Variants in C4orf50 observed in about 807,000 individuals in gnomAD.
C4orf50 encodes chromosome 4 open reading frame 50.
C4orf50 carries 80 observed loss-of-function variants against 77.2 expected under a neutral mutation model. That is an observed-to-expected ratio of 1.04 (90% CI 0.87 to 1.25). C4orf50 has a LOEUF of 1.25. C4orf50 is among the 50% of genes most tolerant of loss of function. The probability of loss-of-function intolerance (pLI) is 0.00; values close to 1 mark genes in which losing one functional copy is unlikely to be tolerated. For synonymous variants in C4orf50, 532 were observed against 465.3 expected (o/e 1.14, Z -1.84); for missense variants, 1,257 against 1,152.9 (o/e 1.09, Z -1.31).
intron 7 of C4orf50, chr4:5,904,267 G>C (rs1716453747): frequency 6.6e-6 from 1 of 152,290 alleles, no homozygotes. Context: ...CAGGGAAATG[G>C]TGTCAGAGGA....
exon 31 of C4orf50, chr4:5,973,803 C>T: frequency 6.2e-7 from 1 of 1,613,444 alleles, no homozygotes; most frequent in Non-Finnish European, 8.5e-7. Context: ...TCAGGCGGTT[C>T]CTCTCCCGGC....
At chr4:5,971,790 T>A (rs556525527) in intron 31 of C4orf50, among the ~76,000 whole-genome samples, 1 of 152,282 alleles carries the variant, frequency 6.6e-6, no homozygotes, top group East Asian at 1.9e-4. Flanking sequence ...TAGTCCAGTG[T>A]ATACATCATT....
At chr4:5,952,151 A>G (rs1204417587), downstream of C4orf50, among the ~76,000 whole-genome samples, 1 of 152,172 alleles carries the variant, frequency 6.6e-6, no homozygotes, top group Non-Finnish European at 1.5e-5. The surrounding 1 kb of genome is among the most constrained non-coding windows in gnomAD (Gnocchi z 4.4). Flanking sequence ...TGGAGCTGCC[A>G]ACGAACCAGG....
Position 5,975,180 on chromosome 4 carries a change from T to C in C4orf50, c.3921+719A>G, listed in dbSNP as rs564913326. Among the ~76,000 whole-genome samples, 643 of 91,850 alleles carry C rather than the reference T, an allele frequency of 7.0e-3. 2 individuals carry two copies. The highest frequency in any genetic ancestry group is 0.029 in the Middle Eastern group (4 of 136). 60.3% of individuals were successfully genotyped at this position (91,850 alleles called of 152,430 possible). ...AAAAAAAAAAAAAAAAAAAAAAAAC[T>C]ACATCACAGTGTTTGCACACAATTA... On this transcript the variant is annotated intron_variant, in intron 30 of 33. Transcript: ENST00000531445.
intron 7 of C4orf50, among the ~76,000 whole-genome samples, chr4:5,914,726 T>C (rs1374201443): frequency 6.6e-6 from 1 of 152,246 alleles, no homozygotes; most frequent in Admixed American, 6.5e-5. Context: ...TATAATGTCC[T>C]ATTCTATAGC....
At chr4:5,980,102 T>G in intron 29 of C4orf50, 72 bp downstream of exon 7, 1 of 1,350,170 alleles carries the variant, frequency 7.4e-7, no homozygotes, top group Non-Finnish European at 1.0e-6. Context: ...AGCAAATCTT[T>G]GTTCACTCCC....
Position 6,011,274 on chromosome 4 carries a change from C to A in C4orf50, c.426+556G>T, listed in dbSNP as rs372822545. Among the ~76,000 whole-genome samples the A allele has an allele frequency of 1.3e-5, 2 of 152,130 alleles. No individual in the cohort carries two copies. Among genetic ancestry groups the A allele is most frequent in the Admixed American group, 1.3e-4 (2 of 15,276 alleles). On this transcript the variant is annotated intron_variant, in intron 24 of 33. Coordinates refer to ENST00000531445, the Ensembl canonical transcript of C4orf50. This position sits in a 1 kb window ranked among gnomAD's most constrained non-coding sequence, Gnocchi z 4.2. ...GCCACCTGGCCCCTCTGGAACTTTC[C>A]GACTCACCCACTCCGTCCCCAGCAC... is the stretch of plus-strand genomic sequence containing the variant.
chr4:5,996,142 C>G (rs1349861538), intron 25 of C4orf50, among the ~76,000 whole-genome samples: 1 of 152,230 alleles, frequency 6.6e-6, no homozygotes, highest in African/African-American at 2.4e-5. Flanking sequence ...CGCCAGCTTC[C>G]CCTCACAGCA....
chr4:5,949,279 A>G (rs985281457), intron 7 of C4orf50, among the ~76,000 whole-genome samples: 1 of 152,266 alleles, frequency 6.6e-6, no homozygotes, highest in African/African-American at 2.4e-5. Context: ...AAGACTTTAA[A>G]GACACACCAC....
chr4:5,945,663 G>A (rs1334278883), intron 7 of C4orf50, among the ~76,000 whole-genome samples: 1 of 152,162 alleles, frequency 6.6e-6, no homozygotes, highest in Non-Finnish European at 1.5e-5. Flanking sequence ...GATCAGACTT[G>A]CCCCGGCCCC....
rs55858229 is a variant in C4orf50 at position 5,995,474 on chromosome 4, A to AACACACACACACACAC, written c.964-1014_964-999dup. Among the ~76,000 whole-genome samples the AACACACACACACACAC allele has an allele frequency of 1.6e-3, 211 of 134,050 alleles. 1 individual carries two copies. Among genetic ancestry groups the AACACACACACACACAC allele is most frequent in the East Asian group, 5.8e-3 (24 of 4,118 alleles). 87.9% of individuals were successfully genotyped at this position (134,050 alleles called of 152,430 possible). ...CACAGGGGAGAGGCTTGGGACTGGA[A>AACACACACACACACAC]ACACACACACACACACACACACACA... On this transcript the variant is annotated intron_variant, in intron 25 of 33. Transcript: ENST00000531445.
intron 7 of C4orf50, among the ~76,000 whole-genome samples, chr4:5,918,108 G>A (rs1717110709): frequency 6.6e-6 from 1 of 152,184 alleles, no homozygotes; most frequent in South Asian, 2.1e-4. Context: ...GAAGCCCTCA[G>A]AAACAGTAGG....
chr4:5,930,028 G>A (rs1717696365), intron 7 of C4orf50, among the ~76,000 whole-genome samples: 1 of 152,180 alleles, frequency 6.6e-6, no homozygotes, highest in African/African-American at 2.4e-5. Flanking sequence ...GTGTCTAACA[G>A]GACGCAGGTG....
At chr4:5,940,311 T>C (rs1247079302) in intron 7 of C4orf50, among the ~76,000 whole-genome samples, 1 of 152,218 alleles carries the variant, frequency 6.6e-6, no homozygotes, top group Non-Finnish European at 1.5e-5. Flanking sequence ...GAAATCTTCC[T>C]TCTTATTTGT....
At chr4:5,999,892 A>G (rs1721754742) in intron 25 of C4orf50, among the ~76,000 whole-genome samples, 1 of 152,190 alleles carries the variant, frequency 6.6e-6, no homozygotes, top group Non-Finnish European at 1.5e-5. Context: ...GCTTCCAGAC[A>G]CAGGCAAGGC....
At position 6,017,751 on chromosome 4, in the gene C4orf50, C is replaced by T. The variant is rs985368222; in HGVS notation, c.287+394G>A. 6.6e-6 allele frequency among the ~76,000 whole-genome samples: 1 copy of T among 152,196 alleles called. No individual in the cohort carries two copies. Among genetic ancestry groups the T allele is most frequent in the African/African-American group, 2.4e-5 (1 of 41,462 alleles). ...AAAAAAATCACCCCAAACCGACCAA[C>T]TGGATTTGTCTGCCTCTGTCCTTGG... On this transcript the variant is annotated intron_variant, in intron 23 of 33. Coordinates refer to ENST00000531445, the Ensembl canonical transcript of C4orf50. This position sits in a 1 kb window ranked among gnomAD's most constrained non-coding sequence, Gnocchi z 4.7.
chr4:5,955,415 C>T (rs1250002780), downstream of C4orf50, among the ~76,000 whole-genome samples: 1 of 152,126 alleles, frequency 6.6e-6, no homozygotes, highest in Non-Finnish European at 1.5e-5. The surrounding 1 kb of genome is among the most constrained non-coding windows in gnomAD (Gnocchi z 5.1). Flanking sequence ...GGGGTGGTCA[C>T]ACACCTGGGC....
chr4:6,003,965 T>TA (rs1722013578), intron 25 of C4orf50, among the ~76,000 whole-genome samples: 1 of 141,408 alleles, frequency 7.1e-6, no homozygotes, highest in Non-Finnish European at 1.5e-5. Context: ...ATGGTGATGA[T>TA]GTGATGGCGA....
intron 32 of C4orf50, among the ~76,000 whole-genome samples, chr4:5,965,390 C>T (rs553462818): frequency 7.9e-5 from 12 of 152,372 alleles, no homozygotes; most frequent in African/African-American, 2.6e-4. Context: ...GCCTGCCTCA[C>T]CTTCCCCTAC....
Sources: gnomAD v4.1 joint callset for allele counts (sites outside exome capture counted in the v4.1 genomes callset) on GRCh38, gnomAD v4.1.1 for gene constraint, Gnocchi (gnomAD v3.1) non-coding constraint, MANE v1.5 for transcripts, NCBI Gene and HGNC (gene_info 2026-07-23, HGNC 2026-07-21) for gene names.